Variants in TRAPPC9 observed in about 807,000 individuals in gnomAD.
The protein encoded by TRAPPC9 is trafficking protein particle complex subunit 9.
TRAPPC9 carries 83 observed loss-of-function variants against 124.0 expected under a neutral mutation model. The ratio of observed to expected loss-of-function variants is 0.67; its 90% CI spans 0.56 to 0.80. The LOEUF (loss-of-function observed/expected upper bound fraction) is 0.80. TRAPPC9 is among the 30% of genes least tolerant of loss of function. TRAPPC9 has a pLI of 0.00. For missense variants in TRAPPC9, 1,302 were observed against 1,508.3 expected (o/e 0.86, Z 2.27); for synonymous variants, 638 against 617.5 (o/e 1.03, Z -0.49).
intron 16 of TRAPPC9, among the ~76,000 whole-genome samples, chr8:140,223,033 C>T (rs1447628886): frequency 6.6e-6 from 1 of 152,150 alleles, no homozygotes; most frequent in East Asian, 1.9e-4. Context: ...TTTTTAAGTT[C>T]CAGAGTACAT....
At chr8:140,135,384 G>A (rs912700844) in intron 17 of TRAPPC9, among the ~76,000 whole-genome samples, 7 of 152,178 alleles carry the variant, frequency 4.6e-5, no homozygotes, top group African/African-American at 1.7e-4. Context: ...TAGCCAAAAG[G>A]CAAAAGCAAA....
intron 6 of TRAPPC9, among the ~76,000 whole-genome samples, chr8:140,402,058 G>C (rs780345310): frequency 8.6e-5 from 13 of 151,824 alleles, no homozygotes; most frequent in Admixed American, 2.0e-4. Context: ...AGTTTTGATG[G>C]GGCTTTCAAT....
At chr8:140,430,357 T>C (rs980003431) in intron 4 of TRAPPC9, among the ~76,000 whole-genome samples, 1 of 152,174 alleles carries the variant, frequency 6.6e-6, no homozygotes, top group African/African-American at 2.4e-5. Context: ...GGCTTTGTCC[T>C]AAGCACCACT....
chr8:140,028,611 TTCATTCACCCATGCAA>T (rs1840303326), intron 17 of TRAPPC9, among the ~76,000 whole-genome samples: 1 of 152,356 alleles, frequency 6.6e-6, no homozygotes, highest in South Asian at 2.1e-4. Flanking sequence ...TAGAATAGCA[TTCATTCACCCATGCAA>T]TCATTCACTC....
At chr8:140,212,126 C>G (rs534854064) in intron 17 of TRAPPC9, among the ~76,000 whole-genome samples, 5 of 152,218 alleles carry the variant, frequency 3.3e-5, no homozygotes, top group Non-Finnish European at 7.3e-5. Flanking sequence ...ACCAGCAATG[C>G]AAGAAGACAC....
intron 10 of TRAPPC9, among the ~76,000 whole-genome samples, chr8:140,310,929 T>A (rs2066279937): frequency 6.6e-6 from 1 of 151,766 alleles, no homozygotes; most frequent in Non-Finnish European, 1.5e-5. Context: ...GAGAAGACGA[T>A]GTGATCAGAC....
At chr8:140,038,921 C>A (rs115861705) in intron 17 of TRAPPC9, among the ~76,000 whole-genome samples, 2,740 of 152,290 alleles carry the variant, frequency 0.018, 72 homozygotes, top group African/African-American at 0.062. Context: ...GAACACCCAG[C>A]ATTTCATCCT....
intron 17 of TRAPPC9, among the ~76,000 whole-genome samples, chr8:140,121,720 G>A (rs576887390): frequency 2.0e-5 from 3 of 152,188 alleles, no homozygotes; most frequent in Non-Finnish European, 4.4e-5. Flanking sequence ...AAAATCAGTG[G>A]CTTCCACTTC....
intron 4 of TRAPPC9, among the ~76,000 whole-genome samples, chr8:140,433,709 T>C (rs2070727097): frequency 6.6e-6 from 1 of 152,164 alleles, no homozygotes; most frequent in Admixed American, 6.6e-5. Context: ...TTCTCATCTA[T>C]TACAGATACA....
chr8:139,997,001 C>T (rs1275712316), intron 18 of TRAPPC9, among the ~76,000 whole-genome samples: 1 of 152,206 alleles, frequency 6.6e-6, no homozygotes, highest in Non-Finnish European at 1.5e-5. Context: ...CCCACCTCTG[C>T]CTCCCAAAGT....
In TRAPPC9 at chr8:140,170,119, G is replaced by C. The variant is rs1470323714; in HGVS notation, c.2556+51340C>G. Among the ~76,000 whole-genome samples the C allele has an allele frequency of 6.6e-5, 10 of 152,272 alleles. No individual in the cohort carries two copies. In the East Asian group the frequency reaches 1.9e-3, roughly 29 times the overall value. ...ATTATATAAATGTTCTTTTATTGCT[G>C]TTTTAACAAACAGAAGCCCTATCAG... On this transcript the variant is annotated intron_variant, in intron 17 of 22. Coordinates refer to ENST00000438773, the MANE Select transcript of TRAPPC9 (RefSeq NM_001160372.4).
chr8:139,992,356 C>T (rs1443399387), intron 18 of TRAPPC9, among the ~76,000 whole-genome samples: 1 of 151,918 alleles, frequency 6.6e-6, no homozygotes, highest in Non-Finnish European at 1.5e-5. Context: ...TTTTGGAATA[C>T]CTGCATTATA....
At chr8:140,278,295 G>C (rs1254070262) in intron 14 of TRAPPC9, among the ~76,000 whole-genome samples, 1 of 152,060 alleles carries the variant, frequency 6.6e-6, no homozygotes, top group Non-Finnish European at 1.5e-5. Flanking sequence ...TAGTAGAGAT[G>C]GGATTTGGCC....
chr8:139,997,931 T>C (rs112120256), intron 18 of TRAPPC9, among the ~76,000 whole-genome samples: 3 of 45,446 alleles, frequency 6.6e-5, no homozygotes, highest in African/African-American at 2.3e-4. Flanking sequence ...ACACAGGGGA[T>C]ACAATGCATC....
intron 16 of TRAPPC9, among the ~76,000 whole-genome samples, chr8:140,243,558 G>T (rs1248342703): frequency 6.6e-6 from 1 of 152,186 alleles, no homozygotes; most frequent in African/African-American, 2.4e-5. Flanking sequence ...TCCCCATGGT[G>T]TTCAAATTCA....
chr8:140,221,393 C>T, intron 17 of TRAPPC9, 66 bp downstream of exon 17: 1 of 1,608,122 alleles, frequency 6.2e-7, no homozygotes, highest in Non-Finnish European at 8.5e-7. Context: ...CAGAGCTGTG[C>T]TTCAGAAACG....
Position 140,405,704 on chromosome 8 carries a change from A to T in TRAPPC9, c.887-6T>A. 6.2e-7 allele frequency: 1 copy of T among 1,614,164 alleles called. No homozygotes were observed. Among genetic ancestry groups the T allele is most frequent in the Non-Finnish European group, 8.5e-7 (1 of 1,180,010 alleles). On this transcript the variant is annotated splice_polypyrimidine_tract_variant and splice_region_variant and intron_variant, in intron 5 of 22. Coordinates refer to ENST00000438773, the MANE Select transcript of TRAPPC9 (RefSeq NM_001160372.4). Reference sequence around the variant, plus strand: ...GCCATTGGTGGTGAGGGCACCTGCAAACCAAGAGGAAGAAAAGAAATAATC... The same window carrying T: ...GCCATTGGTGGTGAGGGCACCTGCATACCAAGAGGAAGAAAAGAAATAATC...
chr8:139,917,160 T>C (rs1832190595), intron 19 of TRAPPC9, among the ~76,000 whole-genome samples: 1 of 138,288 alleles, frequency 7.2e-6, no homozygotes, highest in Non-Finnish European at 1.5e-5. Context: ...TTCTTCATTA[T>C]TATTTTCTTT....
intron 21 of TRAPPC9, among the ~76,000 whole-genome samples, chr8:139,862,135 T>G (rs557960726): frequency 6.6e-6 from 1 of 152,374 alleles, no homozygotes; most frequent in South Asian, 2.1e-4. Context: ...AAACAGGTTC[T>G]GTAAGGTCAT....
Sources: gnomAD v4.1 joint callset for allele counts (sites outside exome capture counted in the v4.1 genomes callset) on GRCh38, gnomAD v4.1.1 for gene constraint, MANE v1.5 for transcripts, NCBI Gene and HGNC (gene_info 2026-07-23, HGNC 2026-07-21) for gene names.